The following PI4KA variants were observed in gnomAD, a reference collection of about 807,000 sequenced individuals.
The protein encoded by PI4KA is phosphatidylinositol 4-kinase alpha.
In PI4KA, 122 loss-of-function variants were observed where a neutral mutation model predicts 271.4. The ratio of observed to expected loss-of-function variants is 0.45; its 90% CI spans 0.39 to 0.52. The LOEUF (loss-of-function observed/expected upper bound fraction) is 0.52, where lower values mean the gene tolerates loss of function less well. Among genes scored for constraint, PI4KA ranks in the 20% least tolerant of loss-of-function variants. The pLI is 0.00. For missense variants in PI4KA, 1,969 were observed against 2,769.1 expected (o/e 0.71, Z 6.48); for synonymous variants, 1,041 against 1,078.8 (o/e 0.96, Z 0.69).
At chr22:20,824,038 G>C (rs926464993) in intron 4 of PI4KA, among the ~76,000 whole-genome samples, 4 of 151,682 alleles carry the variant, frequency 2.6e-5, no homozygotes, top group African/African-American at 9.7e-5. Flanking sequence ...CTACCTTAAA[G>C]GACTTTCTGA....
intron 25 of PI4KA, among the ~76,000 whole-genome samples, chr22:20,752,176 G>A (rs1930775681): frequency 6.6e-6 from 1 of 152,232 alleles, no homozygotes; most frequent in Non-Finnish European, 1.5e-5. Context: ...GGCTGAAGGA[G>A]AGGTGTCTCT....
intron 9 of PI4KA, among the ~76,000 whole-genome samples, chr22:20,809,617 G>A (rs751343526): frequency 6.6e-6 from 1 of 152,052 alleles, no homozygotes; most frequent in Non-Finnish European, 1.5e-5. Context: ...TGGTCCTCCT[G>A]GTCTGCCCTC....
intron 38 of PI4KA, 33 bp from the exon 39 acceptor site, chr22:20,729,539 C>T (rs1927760590): frequency 6.4e-7 from 1 of 1,557,102 alleles, no homozygotes; most frequent in Non-Finnish European, 8.7e-7. Context: ...CTGATATGCA[C>T]CCCTTCTGTG....
chr22:20,833,935 G>C lies in PI4KA; in HGVS notation c.367+627C>G, dbSNP rs553322609. Among the ~76,000 whole-genome samples, 5 of 152,156 alleles carry C rather than the reference G, an allele frequency of 3.3e-5. No individual in the cohort carries two copies. The South Asian group carries it at 1.0e-3, about 32-fold the overall frequency. ...GGCCTCCCAAAGTGCTGGGATTACA[G>C]GTATGAGCCACCACGCCCGGCCGAC... On this transcript the variant is annotated intron_variant, in intron 3 of 54. Coordinates refer to ENST00000255882, the MANE Select transcript of PI4KA (RefSeq NM_058004.4).
At chr22:20,831,358 G>A (rs1160275667) in intron 3 of PI4KA, among the ~76,000 whole-genome samples, 1 of 152,086 alleles carries the variant, frequency 6.6e-6, no homozygotes, top group African/African-American at 2.4e-5. Flanking sequence ...CTTGAGGCCA[G>A]GAGTTCAAGA....
intron 42 of PI4KA, among the ~76,000 whole-genome samples, chr22:20,725,013 G>C (rs1205072774): frequency 1.3e-5 from 2 of 152,364 alleles, no homozygotes; most frequent in East Asian, 3.9e-4. Flanking sequence ...GCACTACCTA[G>C]TGAGGGCAGT....
Position 20,734,506 on chromosome 22 carries a change from T to A in PI4KA, c.3789A>T (p.Lys1263Asn). The A allele has an allele frequency of 6.2e-7, 1 of 1,613,878 alleles. No individual in the cohort carries two copies. The highest frequency in any genetic ancestry group is 8.5e-7 in the Non-Finnish European group (1 of 1,179,860). Reference protein sequence around the residue: ...AGAWHMTVEQKFGLFSAEIKE... With the variant: ...AGAWHMTVEQNFGLFSAEIKE... ...TTATCTCAGCAGAAAACAGGCCAAA[T>A]TTCTGCTCCACCGTCATGTGCCAGG... is the stretch of plus-strand genomic sequence containing the variant. Residue 1263 changes from lysine (K) to asparagine (N), a missense_variant, in exon 33 of 55, where the codon AAA becomes AAT. This residue lies in a region of PI4KA where 203 missense variants were observed against 256.8 expected (regional missense o/e 0.79). Coordinates refer to ENST00000255882, the MANE Select transcript of PI4KA (RefSeq NM_058004.4).
intron 3 of PI4KA, among the ~76,000 whole-genome samples, chr22:20,831,543 G>C (rs963648618): frequency 1.3e-5 from 2 of 152,122 alleles, no homozygotes; most frequent in African/African-American, 4.8e-5. Flanking sequence ...ACTCCAGCCT[G>C]AGTGATGGAG....
intron 23 of PI4KA, among the ~76,000 whole-genome samples, chr22:20,759,317 TA>T (rs1931694339): frequency 1.3e-5 from 2 of 152,214 alleles, no homozygotes; most frequent in African/African-American, 4.8e-5. Flanking sequence ...GTATTGGGAT[TA>T]CAGGCGTAAG....
At chr22:20,834,024 A>G (rs1924556346) in intron 3 of PI4KA, among the ~76,000 whole-genome samples, 1 of 152,056 alleles carries the variant, frequency 6.6e-6, no homozygotes, top group East Asian at 1.9e-4. Flanking sequence ...AGAGTGCTAG[A>G]ATTACAGGAG....
chr22:20,834,322 ACT>A (rs1924588627), intron 3 of PI4KA, among the ~76,000 whole-genome samples: 1 of 152,060 alleles, frequency 6.6e-6, no homozygotes, highest in South Asian at 2.1e-4. Flanking sequence ...GTTCTTGCTC[ACT>A]CTCAGAAGAA....
chr22:20,709,972 G>A lies in PI4KA; in HGVS notation c.6109C>T (p.Leu2037=). The part of the protein sequence containing the change: ...VRPYMDAVVS[L]VTLMLDTGLP... ...CCCGTGTCCAACATGAGAGTGACCAGGGAGACGACCGCGTCCATGTAGGGC... is the reference window on the plus strand; with the variant it reads ...CCCGTGTCCAACATGAGAGTGACCAAGGAGACGACCGCGTCCATGTAGGGC... The change falls in exon 53 of 55, where the codon CTG becomes TTG. Residue 2037 remains leucine, a synonymous_variant. Transcript: ENST00000255882. 2 of 1,613,652 alleles carry A rather than the reference G, an allele frequency of 1.2e-6. No individual in the cohort carries two copies. The highest frequency in any genetic ancestry group is 1.7e-6 in the Non-Finnish European group (2 of 1,179,600).
At chr22:20,822,458 A>G (rs1322359795) in intron 4 of PI4KA, among the ~76,000 whole-genome samples, 2 of 152,338 alleles carry the variant, frequency 1.3e-5, no homozygotes, top group South Asian at 2.1e-4. Context: ...CTACCCCTAC[A>G]AAAACTCATG....
rs573445006 is a variant in PI4KA, at chr22:20,753,430, G to C, written c.2792-250C>G. Among the ~76,000 whole-genome samples, 308 of 152,234 alleles carry C rather than the reference G, an allele frequency of 2.0e-3. 2 individuals carry two copies. The highest frequency in any genetic ancestry group is 2.9e-3 in the Non-Finnish European group (199 of 68,020). On this transcript the variant is annotated intron_variant, in intron 23 of 54. Coordinates refer to ENST00000255882, the MANE Select transcript of PI4KA (RefSeq NM_058004.4). Reference sequence around the variant, plus strand: ...CTTCAGACTTCGTCTGGATTTCCCAGGTCTCCCACACATGCCCCGCTTCTG... The same window carrying C: ...CTTCAGACTTCGTCTGGATTTCCCACGTCTCCCACACATGCCCCGCTTCTG...
At chr22:20,716,122 C>T (rs927339869) in intron 45 of PI4KA, among the ~76,000 whole-genome samples, 5 of 152,252 alleles carry the variant, frequency 3.3e-5, no homozygotes, top group Non-Finnish European at 7.4e-5. Context: ...GCAATCTTGG[C>T]TTACTGCAAG....
intron 19 of PI4KA, among the ~76,000 whole-genome samples, chr22:20,784,771 A>G (rs889309195): frequency 1.3e-5 from 2 of 152,160 alleles, no homozygotes; most frequent in African/African-American, 4.8e-5. Flanking sequence ...TGCAGGTGTT[A>G]AGTACTTATT....
Position 20,718,793 on chromosome 22 carries a change from C to A in PI4KA, c.5146G>T (p.Val1716Leu). The A allele has an allele frequency of 6.2e-7, 1 of 1,613,994 alleles. No individual in the cohort carries two copies. The highest frequency in any genetic ancestry group is 8.5e-7 in the Non-Finnish European group (1 of 1,179,954). Residue 1716 changes from valine to leucine, a missense_variant, in exon 44 of 55, where the codon GTA (valine) becomes TTA (leucine). By Grantham distance (32) the Val-to-Leu change is conservative. Coordinates refer to ENST00000255882, the MANE Select transcript of PI4KA (RefSeq NM_058004.4). ...PDIGDLLDQLVEEITGSLSGP... is the reference protein window; with the variant it reads ...PDIGDLLDQLLEEITGSLSGP... The stretch of plus-strand genomic sequence containing the variant: ...GACAAGGAGCCTGTGATCTCCTCTA[C>A]CAACTGATCCAGGAGGTCGCCGATG...
At chr22:20,818,339 A>G (rs985504828) in intron 7 of PI4KA, 144 bp downstream of exon 7, 10 of 528,916 alleles carry the variant, frequency 1.9e-5, no homozygotes, top group Non-Finnish European at 3.0e-5. Flanking sequence ...GAAAACAGAA[A>G]ATAAATGCTT....
At chr22:20,723,290 G>A (rs1926960586) in intron 42 of PI4KA, among the ~76,000 whole-genome samples, 2 of 151,842 alleles carry the variant, frequency 1.3e-5, no homozygotes, top group Non-Finnish European at 2.9e-5. Context: ...AAAGTGCTGG[G>A]ATTACAAGCG....
Sources: gnomAD v4.1 joint callset for allele counts (sites outside exome capture counted in the v4.1 genomes callset) on GRCh38, gnomAD v4.1.1 for gene constraint, gnomAD v4.1.1 regional missense constraint, MANE v1.5 for transcripts, NCBI Gene and HGNC (gene_info 2026-07-23, HGNC 2026-07-21) for gene names.